Variants in C1orf21 observed in about 807,000 individuals in gnomAD.
C1orf21 encodes the protein chromosome 1 open reading frame 21, also known as uncharacterized protein C1orf21.
In C1orf21, 3 loss-of-function variants were observed where a neutral mutation model predicts 18.7. The ratio of observed to expected loss-of-function variants is 0.16; its 90% confidence interval spans 0.07 to 0.42. The LOEUF (loss-of-function observed/expected upper bound fraction) is 0.42, where lower values mean the gene tolerates loss of function less well. C1orf21 is among the 10% of genes least tolerant of loss of function. The pLI is 0.99. For missense variants in C1orf21, 104 were observed against 143.6 expected (o/e 0.72, Z 1.41); for synonymous variants, 41 against 46.4 (o/e 0.88, Z 0.47).
intron 1 of C1orf21, among the ~76,000 whole-genome samples, chr1:184,455,331 A>G (rs1256240639): frequency 6.6e-6 from 1 of 152,210 alleles, no homozygotes; most frequent in African/African-American, 2.4e-5. Context: ...CTGAAACTTC[A>G]GTGTGCATAC....
Position 184,622,065 on chromosome 1 carries a change from A to G in C1orf21, c.*2509A>G. 6.6e-6 allele frequency: 1 copy of G among 152,180 alleles called. No homozygotes were observed. The highest frequency in any genetic ancestry group is 1.9e-4 in the East Asian group (1 of 5,200). 9.4% of individuals were successfully genotyped at this position (152,180 alleles called of 1,614,324 possible). On this transcript the variant is annotated 3_prime_UTR_variant, in exon 6 of 6. Coordinates refer to ENST00000235307, the MANE Select transcript of C1orf21 (RefSeq NM_030806.4). ...GTACTTTATTTTTTTGTGCCTTCTG[A>G]AAGGATCTAAAACAAAAATATTTTG...
Position 184,623,365 on chromosome 1 carries a change from G to A in C1orf21, c.*3809G>A, listed in dbSNP as rs567571744. ...CCTTCCTGCCTCCCCTAAAGAAAAA[G>A]GATATTAGATTGCACACTATAATTT... On this transcript the variant is annotated 3_prime_UTR_variant, in exon 6 of 6. Transcript: ENST00000235307. 5.3e-5 allele frequency: 8 copies of A among 150,628 alleles called. No individual in the cohort carries two copies. The East Asian group carries it at 1.2e-3, about 22-fold the overall frequency. The allele number at this position is 150,628 out of a possible 1,614,324, so 9.3% of individuals were successfully genotyped here.
intron 2 of C1orf21, 127 bp from the exon 3 acceptor site, chr1:184,507,461 A>G: frequency 1.4e-6 from 1 of 717,756 alleles, no homozygotes; most frequent in South Asian, 1.9e-5. Flanking sequence ...GATTGTTCCA[A>G]ATGAACCACA....
intron 3 of C1orf21, among the ~76,000 whole-genome samples, chr1:184,545,697 C>T (rs1237545869): frequency 2.0e-5 from 3 of 152,202 alleles, no homozygotes; most frequent in African/African-American, 7.2e-5. Flanking sequence ...CTTTCTGCCT[C>T]AGTGTCTTCA....
rs71297843 is a variant in C1orf21, at chr1:184,410,663, A to ATTTTTT, written c.-125+23308_-125+23313dup. ...TATATATATATATATATATATATATATTTTTTTTTTTTTTTTTTGAGATGG... is the reference window on the plus strand; with the variant it reads ...TATATATATATATATATATATATATATTTTTTTTTTTTTTTTTTTTTTTTGAGATGG... On this transcript the variant is annotated intron_variant, in intron 1 of 5. Transcript: ENST00000235307. 4.2e-3 allele frequency among the ~76,000 whole-genome samples: 32 copies of ATTTTTT among 7,668 alleles called. 7 individuals carry two copies. The highest frequency in any genetic ancestry group is 7.8e-3 in the South Asian group (1 of 128). 5.0% of individuals were successfully genotyped at this position (7,668 alleles called of 152,430 possible).
intron 2 of C1orf21, among the ~76,000 whole-genome samples, chr1:184,487,902 G>A (rs998727471): frequency 6.6e-6 from 1 of 152,164 alleles, no homozygotes; most frequent in Admixed American, 6.5e-5. Flanking sequence ...GTAAATCTTA[G>A]CATAGTACTT....
At chr1:184,528,599 C>T (rs1329610972) in intron 3 of C1orf21, among the ~76,000 whole-genome samples, 2 of 152,122 alleles carry the variant, frequency 1.3e-5, no homozygotes, top group Admixed American at 1.3e-4. Context: ...CGCCTGCTAC[C>T]ACGCCCGGCT....
chr1:184,591,335 C>G (rs770921354), intron 4 of C1orf21, among the ~76,000 whole-genome samples: 9 of 152,256 alleles, frequency 5.9e-5, no homozygotes, highest in South Asian at 4.1e-4. Flanking sequence ...CATGACAAAG[C>G]TGACTTTGTA....
At chr1:184,488,886 A>T (rs1433826390) in intron 2 of C1orf21, among the ~76,000 whole-genome samples, 1 of 152,050 alleles carries the variant, frequency 6.6e-6, no homozygotes. Flanking sequence ...AATTGCTTGA[A>T]CCCAGGAGGC....
chr1:184,416,110 T>G (rs1210137483), intron 1 of C1orf21, among the ~76,000 whole-genome samples: 1 of 152,220 alleles, frequency 6.6e-6, no homozygotes, highest in African/African-American at 2.4e-5. Flanking sequence ...GATGATTTAT[T>G]GAAAGGCTAT....
intron 3 of C1orf21, among the ~76,000 whole-genome samples, chr1:184,581,178 G>A (rs1659269846): frequency 6.6e-6 from 1 of 152,202 alleles, no homozygotes; most frequent in Non-Finnish European, 1.5e-5. Flanking sequence ...TGTAATCCCA[G>A]CACTTTTTGA....
intron 1 of C1orf21, among the ~76,000 whole-genome samples, chr1:184,432,744 T>G (rs1367028463): frequency 1.3e-5 from 2 of 152,102 alleles, no homozygotes; most frequent in African/African-American, 4.8e-5. Context: ...CTTGCAAAAT[T>G]TATAGGCTTT....
intron 5 of C1orf21, among the ~76,000 whole-genome samples, chr1:184,600,064 GTAGT>G (rs1460046873): frequency 6.6e-6 from 1 of 152,174 alleles, no homozygotes; most frequent in Non-Finnish European, 1.5e-5. Context: ...GATTTGCGTA[GTAGT>G]TAGGGGTAGA....
At chr1:184,598,589 A>T in intron 5 of C1orf21, 128 bp downstream of exon 5, 2 of 886,124 alleles carry the variant, frequency 2.3e-6, no homozygotes, top group Non-Finnish European at 3.4e-6. Context: ...TGGAGAGTTA[A>T]ATAAAAGTCA....
At chr1:184,406,688 G>A (rs1285462407) in intron 1 of C1orf21, among the ~76,000 whole-genome samples, 3 of 152,220 alleles carry the variant, frequency 2.0e-5, no homozygotes, top group Non-Finnish European at 4.4e-5. Context: ...CCAGCTGCAT[G>A]TGTATCTAAG....
At chr1:184,531,134 G>A (rs1042826849) in intron 3 of C1orf21, among the ~76,000 whole-genome samples, 4 of 152,146 alleles carry the variant, frequency 2.6e-5, no homozygotes, top group African/African-American at 9.7e-5. Flanking sequence ...AAAACAGATA[G>A]GGCTTCATGT....
intron 3 of C1orf21, among the ~76,000 whole-genome samples, chr1:184,584,668 A>T (rs1327491555): frequency 6.6e-6 from 1 of 152,218 alleles, no homozygotes; most frequent in Non-Finnish European, 1.5e-5. Context: ...ACACAATATC[A>T]ATGTCCATCA....
At chr1:184,408,805 T>C in intron 1 of C1orf21, among the ~76,000 whole-genome samples, 1 of 152,156 alleles carries the variant, frequency 6.6e-6, no homozygotes, top group Non-Finnish European at 1.5e-5. Context: ...GAAGAGGCAG[T>C]TGTGAGGCCG....
intron 1 of C1orf21, among the ~76,000 whole-genome samples, chr1:184,407,912 C>T (rs1231281701): frequency 2.0e-5 from 3 of 152,170 alleles, no homozygotes; most frequent in Non-Finnish European, 4.4e-5. Context: ...GAAAAGGTCC[C>T]ATGGTCTGGT....
Sources: allele counts gnomAD v4.1 joint callset (sites outside exome capture counted in the v4.1 genomes callset), GRCh38; gene constraint gnomAD v4.1.1; transcripts MANE v1.5; gene names NCBI Gene and HGNC (gene_info 2026-07-23, HGNC 2026-07-21).